Variants in EMC3 observed in about 807,000 individuals in gnomAD.
EMC3 encodes ER membrane protein complex subunit 3, also known as 30 kDa protein.
EMC3 carries 13 observed loss-of-function variants against 36.6 expected under a neutral mutation model. The observed-to-expected ratio is 0.35, with a 90% confidence interval of 0.23 to 0.56. The LOEUF is 0.56. EMC3 is among the 20% of genes least tolerant of loss of function. The pLI is 0.84. For synonymous variants in EMC3, 120 were observed against 111.9 expected, an observed-to-expected ratio of 1.07 and a Z score of -0.46; for missense variants, 220 against 324.5, an observed-to-expected ratio of 0.68 and a Z score of 2.47.
chr3:10,007,585 G>A (rs1432412752), intron 1 of EMC3: 2 of 1,367,480 alleles, frequency 1.5e-6, no homozygotes, highest in African/African-American at 1.5e-5. Context: ...GGCATCCTGG[G>A]TGTCAGGGGA....
At chr3:9,987,101 C>T, upstream of EMC3, 2 of 826,654 alleles carry the variant, frequency 2.4e-6, no homozygotes, top group Non-Finnish European at 2.9e-6. Flanking sequence ...GTAGTCGCAG[C>T]TACTCGGGAG....
intron 1 of EMC3, among the ~76,000 whole-genome samples, chr3:9,985,263 AAAC>A (rs1404072785): frequency 1.3e-5 from 2 of 152,256 alleles, no homozygotes; most frequent in Non-Finnish European, 2.9e-5. Flanking sequence ...AGTAGAAACA[AAAC>A]AACATTATTA....
rs546608240 is a variant in EMC3, at chr3:10,007,308, C to A, written c.-242+3715G>T. 4.3e-5 allele frequency: 55 copies of A among 1,290,804 alleles called. No homozygotes were observed. The East Asian group carries it at 2.0e-3, about 47-fold the overall frequency. 80.0% of individuals were successfully genotyped at this position (1,290,804 alleles called of 1,614,324 possible). On this transcript the variant is annotated intron_variant, in intron 1 of 8. Transcript: ENST00000470827. ...TACCTGGTGAACATTTTCAGAAGGACCAGCAGCCCCTTCAGGTCCCGTCTG... is the reference window on the plus strand; with the variant it reads ...TACCTGGTGAACATTTTCAGAAGGAACAGCAGCCCCTTCAGGTCCCGTCTG...
intron 7 of EMC3, chr3:9,969,427 A>C: frequency 7.8e-7 from 1 of 1,286,982 alleles, no homozygotes; most frequent in South Asian, 1.6e-5. Flanking sequence ...AAAGGTTCAA[A>C]TTATTCTAAA....
intron 1 of EMC3, chr3:10,007,676 G>A: frequency 7.5e-7 from 1 of 1,331,968 alleles, no homozygotes; most frequent in East Asian, 4.6e-5. Flanking sequence ...GTAGGTTCCA[G>A]CTTCCCAGGA....
rs1263949528 is a variant in EMC3, at chr3:9,964,045, A to G, written c.*24T>C. On this transcript the variant is annotated 3_prime_UTR_variant, in exon 8 of 8. Transcript: ENST00000245046. Reference sequence around the variant, plus strand: ...GGTTAAGTGCAACTCCAAGTTCCTGACACAGCTAATCCCTGCTCGGTCTTC... The same window carrying G: ...GGTTAAGTGCAACTCCAAGTTCCTGGCACAGCTAATCCCTGCTCGGTCTTC... The G allele has an allele frequency of 2.5e-6, 4 of 1,612,450 alleles. No homozygotes were observed. Among genetic ancestry groups the G allele is most frequent in the Non-Finnish European group, 3.4e-6 (4 of 1,179,338 alleles).
intron 6 of EMC3, among the ~76,000 whole-genome samples, 159 bp from the exon 7 acceptor site, chr3:9,969,960 T>C (rs2085768875): frequency 6.6e-6 from 1 of 152,180 alleles, no homozygotes. Flanking sequence ...AGTCACTTTG[T>C]GTCTCCTGAA....
chr3:9,990,325 C>CTCTCTTTTTTTT (rs756491768), upstream of EMC3, among the ~76,000 whole-genome samples: 3 of 88,706 alleles, frequency 3.4e-5, no homozygotes, highest in African/African-American at 1.7e-4. Flanking sequence ...GGGCCTTTCT[C>CTCTCTTTTTTTT]TTTTTTTTTT....
chr3:10,010,092 T>G (rs1419447825), intron 1 of EMC3: 3 of 152,910 alleles, frequency 2.0e-5, no homozygotes, highest in Non-Finnish European at 4.4e-5. Flanking sequence ...CCTACTGCCC[T>G]ATTTTTATCC....
At position 9,973,603 on chromosome 3, in the gene EMC3, T is replaced by G. The variant is rs1453890432; in HGVS notation, c.494+25A>C. The G allele has an allele frequency of 1.9e-6, 3 of 1,607,718 alleles. No individual in the cohort carries two copies. In the East Asian group the frequency reaches 6.7e-5, roughly 36 times the overall value. ...GCTTCCCAAAGTGTGGTTTGTGTTT[T>G]TATTAAACAAAAGAAAGTTCTTACC... is the stretch of plus-strand genomic sequence containing the variant. On this transcript the variant is annotated intron_variant, in intron 5 of 7. Transcript: ENST00000245046.
chr3:9,973,207 T>A (rs568466025), intron 5 of EMC3, among the ~76,000 whole-genome samples: 2 of 150,036 alleles, frequency 1.3e-5, no homozygotes, highest in East Asian at 4.0e-4. Context: ...TTTGTTTGTT[T>A]GTTTTCAGAC....
chr3:10,002,517 A>G (rs1468190840), intron 1 of EMC3, among the ~76,000 whole-genome samples: 1 of 151,986 alleles, frequency 6.6e-6, no homozygotes, highest in African/African-American at 2.4e-5. Flanking sequence ...AACTCCTGGG[A>G]TCAAGCAATC....
chr3:9,984,095 T>C (rs933588220), intron 1 of EMC3, among the ~76,000 whole-genome samples: 12 of 152,016 alleles, frequency 7.9e-5, no homozygotes, highest in African/African-American at 2.7e-4. Context: ...TTTTTTTTTT[T>C]TAAATGAGAT....
chr3:9,973,597 G>A (rs1211777029), intron 5 of EMC3, 31 bp downstream of exon 5: 3 of 1,596,294 alleles, frequency 1.9e-6, no homozygotes, highest in East Asian at 2.2e-5. Context: ...AGTGTGGTTT[G>A]TGTTTTTATT....
intron 1 of EMC3, 55 bp downstream of exon 1, chr3:9,986,452 T>TTTA: frequency 6.3e-7 from 1 of 1,598,858 alleles, no homozygotes; most frequent in East Asian, 2.2e-5. Flanking sequence ...CTCCTGCACT[T>TTTA]TTTTGCCCAA....
At chr3:9,990,443 C>T (rs541843432), upstream of EMC3, among the ~76,000 whole-genome samples, 5 of 150,454 alleles carry the variant, frequency 3.3e-5, no homozygotes, top group South Asian at 1.1e-3. Flanking sequence ...CAAGCGATCC[C>T]CCCACCTCAG....
Position 10,002,277 on chromosome 3 carries a change from T to TTTTATTTTATTTTATTTTATTTTA in EMC3, c.-242+8745_-242+8746insTAAAATAAAATAAAATAAAATAAA, listed in dbSNP as rs371226387. Among the ~76,000 whole-genome samples the TTTTATTTTATTTTATTTTATTTTA allele has an allele frequency of 8.3e-3, 1,236 of 148,094 alleles. 37 individuals carry two copies. Among genetic ancestry groups the TTTTATTTTATTTTATTTTATTTTA allele is most frequent in the African/African-American group, 0.023 (911 of 39,972 alleles). On this transcript the variant is annotated intron_variant, in intron 1 of 8. Transcript: ENST00000470827. Reference sequence around the variant, plus strand: ...CTTTAATTTTTTTCAGCAGTTTCTTTTTTTATTTTATTTTATTTTATTTTA... The same window carrying TTTTATTTTATTTTATTTTATTTTA: ...CTTTAATTTTTTTCAGCAGTTTCTTTTTTATTTTATTTTATTTTATTTTATTTTATTTTATTTTATTTTATTTTA...
chr3:9,999,065 C>T lies in EMC3; in HGVS notation c.-242+11958G>A, dbSNP rs370280331. On this transcript the variant is annotated intron_variant, in intron 1 of 8. Transcript: ENST00000470827. ...GAGCCACTGTGCTCAGCCCTTTGCC[C>T]GTTTTTAAATTGGGTTTTTGTCATT... is the stretch of plus-strand genomic sequence containing the variant. 9.9e-5 allele frequency among the ~76,000 whole-genome samples: 15 copies of T among 151,952 alleles called. 1 individual carries two copies. In the East Asian group the frequency reaches 1.5e-3, roughly 16 times the overall value.
At chr3:9,990,537 T>C (rs2086036746), upstream of EMC3, among the ~76,000 whole-genome samples, 1 of 151,020 alleles carries the variant, frequency 6.6e-6, no homozygotes, top group African/African-American at 2.4e-5. Context: ...TTTGAGAGAG[T>C]TTCGCTCTTT....
Sources: allele counts gnomAD v4.1 joint callset (sites outside exome capture counted in the v4.1 genomes callset), GRCh38; gene constraint gnomAD v4.1.1; transcripts MANE v1.5; gene names NCBI Gene and HGNC (gene_info 2026-07-23, HGNC 2026-07-21).